Variants in ULK4 observed in about 807,000 individuals in gnomAD.
ULK4 encodes the protein unc-51 like kinase 4.
Under a neutral mutation model 160.6 loss-of-function variants are expected in ULK4, and 133 were observed. The observed-to-expected ratio is 0.83, with a 90% CI of 0.72 to 0.96. ULK4 has a LOEUF of 0.96. ULK4 is among the 40% of genes least tolerant of loss of function. The pLI, the probability that ULK4 is intolerant of heterozygous loss-of-function variation, is 0.00. For missense variants in ULK4, 1,580 were observed against 1,499.5 expected (o/e 1.05, Z -0.89); for synonymous variants, 534 against 539.8 (o/e 0.99, Z 0.15).
intron 22 of ULK4, among the ~76,000 whole-genome samples, chr3:41,742,159 AC>A (rs2038262478): frequency 1.3e-5 from 2 of 151,432 alleles, no homozygotes; most frequent in Non-Finnish European, 2.9e-5. Flanking sequence ...ACCTTAACCC[AC>A]CCCCAGGGAA....
chr3:41,763,326 T>C (rs1296960432), intron 21 of ULK4, among the ~76,000 whole-genome samples: 1 of 151,894 alleles, frequency 6.6e-6, no homozygotes, highest in Non-Finnish European at 1.5e-5. Flanking sequence ...CAGAAATCAA[T>C]GAGGTGGGAA....
rs1699051990 is a variant in ULK4 at position 41,918,517 on chromosome 3, T to C, written c.667A>G (p.Ser223Gly). ...ATCTTTTCAGTTAATTCTGAAATAC[T>C]TTCTGAGAAGAATGGAGGTTTTCCT... ...FSGKPPFFSE[S>G]ISELTEKILC... Residue 223 changes from serine to glycine, a missense_variant, in exon 7 of 37, where the codon AGT becomes GGT. By Grantham distance (56) the Ser-to-Gly change is moderately conservative. Transcript: ENST00000301831. 1.9e-6 allele frequency: 3 copies of C among 1,581,216 alleles called. No homozygotes were observed. The highest frequency in any genetic ancestry group is 1.8e-5 in the Admixed American group (1 of 54,434).
intron 25 of ULK4, among the ~76,000 whole-genome samples, chr3:41,712,011 G>A (rs1559501882): frequency 6.6e-6 from 1 of 152,086 alleles, no homozygotes; most frequent in Non-Finnish European, 1.5e-5. Flanking sequence ...TCTTTTTCCA[G>A]GAGTGTTTCA....
intron 21 of ULK4, among the ~76,000 whole-genome samples, chr3:41,772,737 T>C (rs913862611): frequency 1.3e-5 from 2 of 152,212 alleles, no homozygotes; most frequent in Non-Finnish European, 2.9e-5. Context: ...AGCATCATCC[T>C]GATACCAAAG....
At chr3:41,521,582 A>C (rs1242660459) in intron 32 of ULK4, among the ~76,000 whole-genome samples, 1 of 152,198 alleles carries the variant, frequency 6.6e-6, no homozygotes, top group Non-Finnish European at 1.5e-5. Flanking sequence ...GGTAAAGTTG[A>C]ACTCATGTAA....
chr3:41,755,998 T>G (rs1343551571), intron 21 of ULK4, among the ~76,000 whole-genome samples: 2 of 152,152 alleles, frequency 1.3e-5, no homozygotes, highest in Admixed American at 6.5e-5. Flanking sequence ...GTGAAAGAGA[T>G]AAAGACAGAG....
intron 19 of ULK4, among the ~76,000 whole-genome samples, chr3:41,815,405 A>T (rs1012834832): frequency 2.0e-5 from 3 of 152,182 alleles, no homozygotes; most frequent in Non-Finnish European, 4.4e-5. Flanking sequence ...CTTGAAATAC[A>T]TATTTTATGT....
intron 29 of ULK4, among the ~76,000 whole-genome samples, chr3:41,670,033 T>C (rs1167939989): frequency 2.6e-5 from 4 of 152,226 alleles, no homozygotes; most frequent in Admixed American, 2.0e-4. Flanking sequence ...TAATGTGTTC[T>C]ACAATCTTCA....
intron 27 of ULK4, among the ~76,000 whole-genome samples, chr3:41,700,180 T>C (rs1289985863): frequency 6.6e-6 from 1 of 152,108 alleles, no homozygotes; most frequent in East Asian, 1.9e-4. Context: ...CCCTAAACCC[T>C]AAGCTCTGAA....
intron 19 of ULK4, among the ~76,000 whole-genome samples, chr3:41,816,001 A>T (rs2040951641): frequency 6.6e-6 from 1 of 152,144 alleles, no homozygotes; most frequent in African/African-American, 2.4e-5. Context: ...CTACAATCCC[A>T]GCTACTTGGG....
intron 35 of ULK4, among the ~76,000 whole-genome samples, chr3:41,302,723 T>TA (rs1402919054): frequency 6.6e-6 from 1 of 152,210 alleles, no homozygotes; most frequent in Non-Finnish European, 1.5e-5. Flanking sequence ...AAATTTAAAA[T>TA]AGAGTACTAA....
intron 30 of ULK4, among the ~76,000 whole-genome samples, chr3:41,651,516 T>C (rs2034742308): frequency 6.6e-6 from 1 of 152,220 alleles, no homozygotes; most frequent in African/African-American, 2.4e-5. Flanking sequence ...TTGTTTGTTT[T>C]GCCCACCTCA....
intron 30 of ULK4, among the ~76,000 whole-genome samples, chr3:41,647,810 A>G (rs1484203335): frequency 6.6e-6 from 1 of 151,978 alleles, no homozygotes; most frequent in Non-Finnish European, 1.5e-5. Flanking sequence ...TGGAGCCTAC[A>G]GAGGCAGGCA....
chr3:41,434,695 G>A (rs527749124), intron 34 of ULK4, among the ~76,000 whole-genome samples: 212 of 152,210 alleles, frequency 1.4e-3, no homozygotes, highest in Admixed American at 3.8e-3. Flanking sequence ...GGGCAAATCC[G>A]CCCATAATCA....
chr3:41,690,689 C>A (rs757077571), intron 27 of ULK4, among the ~76,000 whole-genome samples: 5 of 151,766 alleles, frequency 3.3e-5, no homozygotes, highest in African/African-American at 1.2e-4. Flanking sequence ...CAGGGTTCTA[C>A]GCCACTCCCC....
At chr3:41,327,715 A>T (rs1164892039) in intron 35 of ULK4, among the ~76,000 whole-genome samples, 2 of 152,212 alleles carry the variant, frequency 1.3e-5, no homozygotes, top group Non-Finnish European at 2.9e-5. Context: ...GATGCTAATT[A>T]GGATGATAAG....
intron 32 of ULK4, among the ~76,000 whole-genome samples, chr3:41,510,244 A>G (rs1050414111): frequency 2.0e-4 from 30 of 152,236 alleles, no homozygotes; most frequent in African/African-American, 7.0e-4. Flanking sequence ...GAAGGACATT[A>G]CATAATGATA....
chr3:41,802,014 G>GA (rs1406875564), intron 19 of ULK4, among the ~76,000 whole-genome samples: 3 of 145,252 alleles, frequency 2.1e-5, no homozygotes, highest in Non-Finnish European at 4.6e-5. Context: ...AGTACCAAAA[G>GA]AAAAAAAAAG....
At chr3:41,548,809 G>A (rs559066072) in intron 32 of ULK4, among the ~76,000 whole-genome samples, 17 of 152,060 alleles carry the variant, frequency 1.1e-4, no homozygotes, top group East Asian at 9.7e-4. Flanking sequence ...CACTGCCGCC[G>A]CCACCACCAC....
Sources: allele counts gnomAD v4.1 joint callset (sites outside exome capture counted in the v4.1 genomes callset), GRCh38; gene constraint gnomAD v4.1.1; transcripts MANE v1.5; gene names NCBI Gene and HGNC (gene_info 2026-07-23, HGNC 2026-07-21).